Variants in JPH3 observed in about 807,000 individuals in gnomAD.
JPH3 encodes the protein junctophilin-3.
A neutral mutation model predicts 59.6 loss-of-function variants in JPH3; 11 were observed. That is an observed-to-expected ratio of 0.18 (90% CI 0.12 to 0.31). JPH3 has a LOEUF of 0.31. Among genes scored for constraint, JPH3 ranks in the 10% least tolerant of loss-of-function variants. JPH3 has a pLI of 1.00. For missense variants in JPH3, 1,202 were observed against 1,105.7 expected (o/e 1.09, Z -1.24); for synonymous variants, 673 against 483.6 (o/e 1.39, Z -5.14).
At chr16:87,620,915 C>A (rs760945912) in intron 1 of JPH3, among the ~76,000 whole-genome samples, 1 of 152,206 alleles carries the variant, frequency 6.6e-6, no homozygotes, top group African/African-American at 2.4e-5. Flanking sequence ...AATCCCAGCA[C>A]TTTGGGAGGC....
chr16:87,615,352 C>T (rs1013417171), intron 1 of JPH3, among the ~76,000 whole-genome samples: 1 of 152,214 alleles, frequency 6.6e-6, no homozygotes, highest in Non-Finnish European at 1.5e-5. Context: ...TCCGGAGGCC[C>T]CGTACCCTTG....
At chr16:87,619,955 G>A (rs1362863337) in intron 1 of JPH3, among the ~76,000 whole-genome samples, 1 of 152,172 alleles carries the variant, frequency 6.6e-6, no homozygotes, top group Non-Finnish European at 1.5e-5. Context: ...TGAGCACCAG[G>A]GACAGAAGGA....
intron 1 of JPH3, among the ~76,000 whole-genome samples, chr16:87,630,851 C>T (rs1003579122): frequency 2.0e-5 from 3 of 152,152 alleles, no homozygotes; most frequent in Non-Finnish European, 4.4e-5. Flanking sequence ...CCCCATTCTC[C>T]CCACTCCCAG....
intron 2 of JPH3, among the ~76,000 whole-genome samples, chr16:87,655,369 G>C (rs956945616): frequency 8.7e-6 from 1 of 115,204 alleles, no homozygotes; most frequent in Non-Finnish European, 1.8e-5. Context: ...TATTTTTTGT[G>C]ACAGGGTGTT....
intron 1 of JPH3, among the ~76,000 whole-genome samples, chr16:87,642,743 G>C (rs1258552296): frequency 6.6e-6 from 1 of 152,232 alleles, no homozygotes; most frequent in African/African-American, 2.4e-5. Context: ...CCGTCCTCAC[G>C]GTGACCTTTG....
rs560662465 is a variant in JPH3, at chr16:87,639,511, T to A, written c.383-4747T>A. Reference sequence around the variant, plus strand: ...TCTGTGGCATTAAGCACATTCACGCTGTTCAACCGTCACCAGAACTTTTCC... The same window carrying A: ...TCTGTGGCATTAAGCACATTCACGCAGTTCAACCGTCACCAGAACTTTTCC... On this transcript the variant is annotated intron_variant, in intron 1 of 4. Transcript: ENST00000284262. 5.9e-5 allele frequency among the ~76,000 whole-genome samples: 9 copies of A among 152,186 alleles called. No individual in the cohort carries two copies. In the South Asian group the frequency reaches 1.9e-3, roughly 32 times the overall value.
intron 4 of JPH3, 39 bp from the exon 5 acceptor site, chr16:87,696,541 C>A (rs765988468): frequency 2.0e-5 from 32 of 1,569,978 alleles, no homozygotes; most frequent in Non-Finnish European, 2.7e-5. Flanking sequence ...CAGAGCCCCC[C>A]GCAGCTGTCG....
rs1567616177 is a variant in JPH3, at chr16:87,690,065, C to T, written c.1705C>T (p.Pro569Ser). Residue 569 changes from proline to serine, a missense_variant, in exon 4 of 5, where the codon CCC becomes TCC. Physicochemically the swap from Pro to Ser is moderately conservative, Grantham distance 74. Transcript: ENST00000284262. Reference sequence around the variant, plus strand: ...TTCGGGCCGCAAGCAGCCCGGGAACCCCAAGCCGCGGGAGCGGCGGACGGA... The same window carrying T: ...TTCGGGCCGCAAGCAGCCCGGGAACTCCAAGCCGCGGGAGCGGCGGACGGA... ...RGSGRKQPGN[P>S]KPRERRTESP... is the part of the protein sequence containing the mutation. The T allele has an allele frequency of 6.3e-7, 1 of 1,577,414 alleles. No homozygotes were observed. The highest frequency in any genetic ancestry group is 1.2e-5 in the South Asian group (1 of 86,672).
rs147963320 is a variant in JPH3 at position 87,620,486 on chromosome 16, G to GGAGA, written c.382+16960_382+16963dup. On this transcript the variant is annotated intron_variant, in intron 1 of 4. Coordinates refer to ENST00000284262, the MANE Select transcript of JPH3 (RefSeq NM_020655.4). ...AGAGGGAGAGAAGGAGAGAAGAGAG[G>GGAGA]GAGAGGGGGAGGGGAAGAAGGAGAA... Among the ~76,000 whole-genome samples, 345 of 134,906 alleles carry GGAGA rather than the reference G, an allele frequency of 2.6e-3. 2 individuals are homozygous for GGAGA. Among genetic ancestry groups the GGAGA allele is most frequent in the African/African-American group, 9.0e-3 (331 of 36,776 alleles). 88.5% of individuals were successfully genotyped at this position (134,906 alleles called of 152,430 possible).
intron 1 of JPH3, among the ~76,000 whole-genome samples, chr16:87,605,802 C>G (rs1325705364): frequency 2.6e-5 from 4 of 152,192 alleles, no homozygotes; most frequent in Non-Finnish European, 2.9e-5. Flanking sequence ...CCAAACCCCC[C>G]TCGTTCTTGC....
In JPH3 at chr16:87,608,502, C is replaced by A. The variant is rs376312157; in HGVS notation, c.382+4974C>A. Among the ~76,000 whole-genome samples the A allele has an allele frequency of 2.8e-4, 42 of 152,226 alleles. 1 individual carries two copies. The highest frequency in any genetic ancestry group is 1.0e-3 in the African/African-American group (42 of 41,538). On this transcript the variant is annotated intron_variant, in intron 1 of 4. Coordinates refer to ENST00000284262, the MANE Select transcript of JPH3 (RefSeq NM_020655.4). ...GAGGCCATGCGGTGGATGGAGCCAC[C>A]GCTGCACTGGGGTCCTGGCTCGAAC...
At chr16:87,649,473 A>T (rs1213575174) in intron 2 of JPH3, among the ~76,000 whole-genome samples, 1 of 152,170 alleles carries the variant, frequency 6.6e-6, no homozygotes, top group African/African-American at 2.4e-5. Context: ...GCTCTAGAAG[A>T]TGAAACTCAA....
intron 2 of JPH3, among the ~76,000 whole-genome samples, chr16:87,677,056 G>A (rs1049391911): frequency 6.6e-6 from 1 of 151,618 alleles, no homozygotes; most frequent in African/African-American, 2.4e-5. Context: ...CTACTCGGGA[G>A]GCTGAGGCAG....
chr16:87,615,285 G>C (rs1287260114), intron 1 of JPH3, among the ~76,000 whole-genome samples: 1 of 152,236 alleles, frequency 6.6e-6, no homozygotes, highest in Non-Finnish European at 1.5e-5. Flanking sequence ...CTATAGACCT[G>C]GTGGAGGCCT....
rs749966290 is a variant in JPH3 at position 87,644,370 on chromosome 16, C to G, written c.495C>G (p.Asn165Lys). ...GCTCACCCCTGAGGACGTCCATCAACTCCCTGCGCAGCGAGCACACCAACG... is the reference window on the plus strand; with the variant it reads ...GCTCACCCCTGAGGACGTCCATCAAGTCCCTGCGCAGCGAGCACACCAACG... Reference protein sequence around the residue: ...VIRSPLRTSINSLRSEHTNGT... With the variant: ...VIRSPLRTSIKSLRSEHTNGT... The change falls in exon 2 of 5, where the codon AAC becomes AAG. Residue 165 changes from asparagine (N) to lysine (K), a missense_variant. Physicochemically the swap from Asn to Lys is moderately conservative, Grantham distance 94. Coordinates refer to ENST00000284262, the MANE Select transcript of JPH3 (RefSeq NM_020655.4). The G allele has an allele frequency of 1.2e-6, 2 of 1,612,966 alleles. No individual in the cohort carries two copies. Among genetic ancestry groups the G allele is most frequent in the Non-Finnish European group, 8.5e-7 (1 of 1,179,920 alleles).
chr16:87,637,160 C>G (rs953532796), intron 1 of JPH3, among the ~76,000 whole-genome samples: 1 of 152,222 alleles, frequency 6.6e-6, no homozygotes, highest in Non-Finnish European at 1.5e-5. Context: ...GCTTCCGCCC[C>G]CTGCTCTGCT....
intron 2 of JPH3, among the ~76,000 whole-genome samples, chr16:87,674,826 TC>T (rs2033104565): frequency 6.6e-6 from 1 of 152,172 alleles, no homozygotes; most frequent in Non-Finnish European, 1.5e-5. Flanking sequence ...AGTGGCGCGA[TC>T]TTGTCTCGCT....
intron 1 of JPH3, among the ~76,000 whole-genome samples, chr16:87,615,694 G>A (rs923178471): frequency 6.6e-6 from 1 of 152,228 alleles, no homozygotes; most frequent in African/African-American, 2.4e-5. Flanking sequence ...CTGCCCAGAA[G>A]GGAGCCCAGG....
In JPH3 at chr16:87,610,170, C is replaced by T. The variant is rs1466794312; in HGVS notation, c.382+6642C>T. On this transcript the variant is annotated intron_variant, in intron 1 of 4. Transcript: ENST00000284262. ...AGGAGGCAGAGCTCAGGCAGTAATG[C>T]AAGCGTTGGAGAGCGGCTGTAAATA... Among the ~76,000 whole-genome samples, 3 of 152,336 alleles carry T rather than the reference C, an allele frequency of 2.0e-5. No individual in the cohort carries two copies. In the East Asian group the frequency reaches 5.8e-4, roughly 29 times the overall value.
Sources: allele counts gnomAD v4.1 joint callset (sites outside exome capture counted in the v4.1 genomes callset), GRCh38; gene constraint gnomAD v4.1.1; transcripts MANE v1.5; gene names NCBI Gene and HGNC (gene_info 2026-07-23, HGNC 2026-07-21).